PABPC4L: variants seen among roughly 807,000 people sequenced by gnomAD.
PABPC4L encodes poly(A) binding protein cytoplasmic 4 like.
For missense variants in PABPC4L, 452 were observed against 451.4 expected (o/e 1.00, Z -0.01); for synonymous variants, 169 against 164.1 (o/e 1.03, Z -0.23).
chr4:134,029,502 A>T, the PABPC4L span, among the ~76,000 whole-genome samples: 425 of 152,246 alleles, frequency 2.8e-3, 4 homozygotes, highest in African/African-American at 9.6e-3. Flanking sequence ...AGAAAAAAAT[A>T]ATTTTTAAAA....
the PABPC4L span, among the ~76,000 whole-genome samples, chr4:134,013,912 C>T: frequency 6.6e-6 from 1 of 152,140 alleles, no homozygotes; most frequent in Admixed American, 6.5e-5. Context: ...TCCTCACACC[C>T]AGTCAGGCTT....
At chr4:134,104,046 T>TTACAC in the PABPC4L span, among the ~76,000 whole-genome samples, 7 of 150,972 alleles carry the variant, frequency 4.6e-5, no homozygotes, top group Non-Finnish European at 8.9e-5. Flanking sequence ...TGTAGCTTCT[T>TTACAC]TAGTGACATT....
At chr4:133,966,686 T>C in the PABPC4L span, among the ~76,000 whole-genome samples, 8 of 152,128 alleles carry the variant, frequency 5.3e-5, no homozygotes, top group African/African-American at 1.7e-4. Flanking sequence ...AGACTATTAT[T>C]CTAAGTGAAG....
chr4:134,112,649 A>C, the PABPC4L span, among the ~76,000 whole-genome samples: 1 of 151,624 alleles, frequency 6.6e-6, no homozygotes, highest in Admixed American at 6.6e-5. Context: ...ATCTATCTAC[A>C]TCTATACATA....
the PABPC4L span, among the ~76,000 whole-genome samples, chr4:134,098,056 G>A: frequency 6.6e-6 from 1 of 151,568 alleles, no homozygotes; most frequent in African/African-American, 2.4e-5. Flanking sequence ...AAAAAATATA[G>A]GTATTCATTA....
chr4:134,006,233 C>T, the PABPC4L span, among the ~76,000 whole-genome samples: 2 of 151,512 alleles, frequency 1.3e-5, no homozygotes, highest in African/African-American at 4.8e-5. Context: ...TCATCTAGTT[C>T]AATTTATAAC....
chr4:134,026,410 AT>A, the PABPC4L span, among the ~76,000 whole-genome samples: 1 of 151,558 alleles, frequency 6.6e-6, no homozygotes, highest in Non-Finnish European at 1.5e-5. Context: ...TAATTTTTGT[AT>A]TTTTTTTAGT....
At chr4:134,163,241 C>A in the PABPC4L span, among the ~76,000 whole-genome samples, 3 of 152,006 alleles carry the variant, frequency 2.0e-5, no homozygotes, top group Admixed American at 6.6e-5. Flanking sequence ...TCTATACATA[C>A]AAACTAGACC....
At chr4:133,962,420 A>G in the PABPC4L span, among the ~76,000 whole-genome samples, 3 of 152,362 alleles carry the variant, frequency 2.0e-5, no homozygotes, top group East Asian at 3.9e-4. Context: ...CCAAGGGAAT[A>G]GATAGCATAA....
chr4:134,051,960 T>C, the PABPC4L span, among the ~76,000 whole-genome samples: 2 of 152,108 alleles, frequency 1.3e-5, no homozygotes, highest in African/African-American at 2.4e-5. Flanking sequence ...TTTTCTTCTC[T>C]TTTTATGTAC....
At chr4:134,188,464 C>G in the PABPC4L span, among the ~76,000 whole-genome samples, 1 of 152,128 alleles carries the variant, frequency 6.6e-6, no homozygotes, top group Non-Finnish European at 1.5e-5. Context: ...TGCAGAACTT[C>G]TAACATCTCT....
chr4:134,159,833 C>T, the PABPC4L span, among the ~76,000 whole-genome samples: 1 of 152,106 alleles, frequency 6.6e-6, no homozygotes, highest in African/African-American at 2.4e-5. Flanking sequence ...CTGCATCACC[C>T]CTCCCCCAAT....
the PABPC4L span, among the ~76,000 whole-genome samples, chr4:134,032,692 T>G: frequency 6.6e-6 from 1 of 151,826 alleles, no homozygotes; most frequent in Non-Finnish European, 1.5e-5. Flanking sequence ...AGAGGTGATT[T>G]CTACTTAATA....
At chr4:134,143,355 A>G in the PABPC4L span, among the ~76,000 whole-genome samples, 235 of 150,268 alleles carry the variant, frequency 1.6e-3, 1 homozygote, top group Non-Finnish European at 1.1e-3. Flanking sequence ...CATATTATGT[A>G]ATATTTATGC....
At chr4:134,026,226 C>T in the PABPC4L span, among the ~76,000 whole-genome samples, 1 of 147,472 alleles carries the variant, frequency 6.8e-6, no homozygotes, top group African/African-American at 2.5e-5. Flanking sequence ...TGTATATATT[C>T]AAATAATTTT....
At chr4:134,104,411 T>C in the PABPC4L span, among the ~76,000 whole-genome samples, 4 of 151,742 alleles carry the variant, frequency 2.6e-5, no homozygotes, top group African/African-American at 9.7e-5. Context: ...GTTAGATATT[T>C]GGAATCTCAG....
the PABPC4L span, among the ~76,000 whole-genome samples, chr4:134,028,837 C>T: frequency 1.5e-4 from 23 of 152,240 alleles, no homozygotes; most frequent in East Asian, 2.9e-3. Context: ...TTGTAAATTA[C>T]AGTGATAAGG....
At chr4:134,135,815 A>T in the PABPC4L span, among the ~76,000 whole-genome samples, 1 of 152,132 alleles carries the variant, frequency 6.6e-6, no homozygotes. Flanking sequence ...CCTGGGCAAC[A>T]AGAGCAAAAC....
At chr4:134,031,601 G>A in the PABPC4L span, among the ~76,000 whole-genome samples, 2 of 151,928 alleles carry the variant, frequency 1.3e-5, no homozygotes, top group Non-Finnish European at 2.9e-5. Flanking sequence ...CAGAGAAGAT[G>A]ATGCAGAAAT....
Sources: allele counts gnomAD v4.1 joint callset (sites outside exome capture counted in the v4.1 genomes callset), GRCh38; gene constraint gnomAD v4.1.1; transcripts MANE v1.5; gene names NCBI Gene and HGNC (gene_info 2026-07-23, HGNC 2026-07-21).